Variants in BORA observed in about 807,000 individuals in gnomAD.
BORA encodes the protein BORA aurora kinase A activator, also known as protein aurora borealis.
A neutral mutation model predicts 55.8 loss-of-function variants in BORA; 26 were observed. The ratio of observed to expected loss-of-function variants is 0.47; its 90% CI spans 0.34 to 0.65. The LOEUF is 0.65. BORA is among the 30% of genes least tolerant of loss of function. The probability of loss-of-function intolerance (pLI) is 0.01; values close to 1 mark genes in which losing one functional copy is unlikely to be tolerated. For missense variants in BORA, 568 were observed against 671.5 expected (o/e 0.85, Z 1.70); for synonymous variants, 201 against 216.9 (o/e 0.93, Z 0.64).
In BORA at chr13:72,747,099, C is replaced by T. The variant is rs749049409; in HGVS notation, c.1470C>T (p.Ser490=). 6.2e-7 allele frequency: 1 copy of T among 1,613,236 alleles called. No homozygotes were observed. Among genetic ancestry groups the T allele is most frequent in the Non-Finnish European group, 8.5e-7 (1 of 1,179,810 alleles). ...AAAGCAGTGTCATTCCTTGTGAAAG[C>T]AGTAACATTCAGGTAAGGTATTTAA... The part of the protein sequence containing the change: ...LAESSVIPCE[S]SNIQMDSGYN... Residue 490 remains serine (S), a synonymous_variant, in exon 10 of 12, where the codon AGC becomes AGT. Coordinates refer to ENST00000390667, the MANE Select transcript of BORA (RefSeq NM_024808.5).
rs751608531 is a variant in BORA at position 72,755,115 on chromosome 13, T to C, written c.1615-36T>C. On this transcript the variant is annotated intron_variant, in intron 11 of 11. Coordinates refer to ENST00000390667, the MANE Select transcript of BORA (RefSeq NM_024808.5). ...AATTGCATCCTCCAGTGGTCCTACTTAAACTGAAAACAAGGTATTGTCTTC... is the reference window on the plus strand; with the variant it reads ...AATTGCATCCTCCAGTGGTCCTACTCAAACTGAAAACAAGGTATTGTCTTC... 4.4e-6 allele frequency: 7 copies of C among 1,593,902 alleles called. No individual in the cohort carries two copies. In the Admixed American group the frequency reaches 1.2e-4, roughly 27 times the overall value.
chr13:72,739,198 C>T (rs2032989144), intron 5 of BORA, among the ~76,000 whole-genome samples: 1 of 152,188 alleles, frequency 6.6e-6, no homozygotes, highest in East Asian at 1.9e-4. Flanking sequence ...AGTTTTTCAC[C>T]CCCAGATTCT....
rs1279944742 is a variant in BORA, at chr13:72,743,588, C to G, written c.440C>G (p.Ser147Cys). Residue 147 changes from serine (S) to cysteine (C), a missense_variant, in exon 6 of 12, where the codon TCT becomes TGT. Coordinates refer to ENST00000390667, the MANE Select transcript of BORA (RefSeq NM_024808.5). The stretch of plus-strand genomic sequence containing the variant: ...GTTGGAAAAAAGCTGACCATTCATT[C>G]TGAGAAAAGCGATGGTGAGTATGAA... ...SPVGKKLTIH[S>C]EKSDAACQTL... The G allele has an allele frequency of 7.5e-6, 12 of 1,605,524 alleles. No individual in the cohort carries two copies. Among genetic ancestry groups the G allele is most frequent in the African/African-American group, 1.4e-5 (1 of 70,742 alleles).
intron 11 of BORA, chr13:72,754,065 AGGT>A (rs1426221059): frequency 8.3e-6 from 3 of 361,310 alleles, no homozygotes; most frequent in Non-Finnish European, 1.5e-5. Context: ...TGAACCTTCC[AGGT>A]GGTGGTTATA....
intron 8 of BORA, among the ~76,000 whole-genome samples, chr13:72,745,574 T>G (rs1410257875): frequency 6.6e-6 from 1 of 152,240 alleles, no homozygotes; most frequent in East Asian, 1.9e-4. Flanking sequence ...ATGTACAGGA[T>G]GACCAGATTT....
intron 10 of BORA, among the ~76,000 whole-genome samples, chr13:72,751,845 A>G (rs1163312843): frequency 6.6e-6 from 1 of 152,210 alleles, no homozygotes; most frequent in Non-Finnish European, 1.5e-5. Flanking sequence ...GTACATCATA[A>G]ATATGTGTAA....
In BORA at chr13:72,755,737, CTG is replaced by C; in HGVS notation, c.*524_*525del. ...ATTTTAGTTCTTGGTCTGTTCACCT[CTG>C]TGGGGAAAATTCTTAGTTCCAGTGA... On this transcript the variant is annotated 3_prime_UTR_variant, in exon 12 of 12. Coordinates refer to ENST00000390667, the MANE Select transcript of BORA (RefSeq NM_024808.5). 5.0e-6 allele frequency: 2 copies of C among 397,336 alleles called. No homozygotes were observed. The highest frequency in any genetic ancestry group is 4.4e-6 in the Non-Finnish European group (1 of 225,786). 24.6% of individuals were successfully genotyped at this position (397,336 alleles called of 1,614,324 possible).
Position 72,753,627 on chromosome 13 carries a change from CTTAT to C in BORA, c.1483-59_1483-56del, listed in dbSNP as rs1349482508. The C allele has an allele frequency of 7.3e-6, 11 of 1,504,858 alleles. No individual in the cohort carries two copies. The African/African-American group carries it at 1.5e-4, about 21-fold the overall frequency. 93.2% of individuals were successfully genotyped at this position (1,504,858 alleles called of 1,614,324 possible). On this transcript the variant is annotated intron_variant, in intron 10 of 11. Transcript: ENST00000390667. ...GTGAATGAGAGTTTATAGTGGTTTA[CTTAT>C]TTAAATATTTGACTTTTAAGTTCCT...
intron 4 of BORA, among the ~76,000 whole-genome samples, chr13:72,736,984 A>T (rs974256925): frequency 4.0e-5 from 5 of 125,326 alleles, no homozygotes; most frequent in African/African-American, 1.7e-4. Flanking sequence ...GTCCACCTTT[A>T]AAAAAAAAAA....
In BORA at chr13:72,755,443, A is replaced by G. The variant is rs1414394927; in HGVS notation, c.*227A>G. 4.0e-6 allele frequency: 2 copies of G among 504,458 alleles called. No homozygotes were observed. Among genetic ancestry groups the G allele is most frequent in the African/African-American group, 3.9e-5 (2 of 51,782 alleles). 31.2% of individuals were successfully genotyped at this position (504,458 alleles called of 1,614,324 possible). Reference sequence around the variant, plus strand: ...TTATTTTTTATCAATAAATATTTTTATACTTACATTGAGTGATGTGTTTAA... The same window carrying G: ...TTATTTTTTATCAATAAATATTTTTGTACTTACATTGAGTGATGTGTTTAA... On this transcript the variant is annotated 3_prime_UTR_variant, in exon 12 of 12. Transcript: ENST00000390667.
chr13:72,750,563 A>C (rs1038169645), intron 10 of BORA, among the ~76,000 whole-genome samples: 2 of 151,908 alleles, frequency 1.3e-5, no homozygotes, highest in Non-Finnish European at 2.9e-5. Flanking sequence ...GGTATAAGTA[A>C]CTCCCACATG....
At chr13:72,730,925 G>C (rs1261265576) in intron 2 of BORA, among the ~76,000 whole-genome samples, 1 of 151,490 alleles carries the variant, frequency 6.6e-6, no homozygotes, top group Non-Finnish European at 1.5e-5. Flanking sequence ...AAAATTAGCT[G>C]GGTGTGGTGG....
intron 10 of BORA, 148 bp from the exon 11 acceptor site, chr13:72,753,542 C>A: frequency 1.3e-6 from 1 of 743,426 alleles, no homozygotes; most frequent in Non-Finnish European, 2.1e-6. Context: ...TATATTTGTG[C>A]ATTACTTTTG....
intron 10 of BORA, among the ~76,000 whole-genome samples, chr13:72,747,969 C>G (rs978792367): frequency 1.3e-5 from 2 of 152,270 alleles, no homozygotes; most frequent in Middle Eastern, 3.4e-3. Flanking sequence ...TTAACAGATA[C>G]GTATACTTCA....
At chr13:72,733,654 T>C (rs2032863407) in intron 3 of BORA, among the ~76,000 whole-genome samples, 1 of 152,174 alleles carries the variant, frequency 6.6e-6, no homozygotes, top group Non-Finnish European at 1.5e-5. Context: ...CATGATAAGA[T>C]GAAGAGAACC....
chr13:72,751,092 A>G (rs7334066), intron 10 of BORA, among the ~76,000 whole-genome samples: 15,884 of 152,190 alleles, frequency 0.1, 2,278 homozygotes, highest in African/African-American at 0.33. Flanking sequence ...TGGGGATAAT[A>G]ATAGGATTAC....
intron 4 of BORA, 29 bp from the exon 5 acceptor site, chr13:72,737,933 G>T: frequency 6.9e-7 from 1 of 1,450,770 alleles, no homozygotes; most frequent in Non-Finnish European, 9.5e-7. Context: ...TGGAATTTAT[G>T]CCTAATTGTA....
chr13:72,752,187 T>C (rs2033294403), intron 10 of BORA: 2 of 152,232 alleles, frequency 1.3e-5, no homozygotes, highest in Admixed American at 1.3e-4. Context: ...AGAGTTCTTT[T>C]ATTTCCAGGC....
intron 4 of BORA, among the ~76,000 whole-genome samples, chr13:72,735,499 G>A (rs2138051920): frequency 6.6e-6 from 1 of 152,208 alleles, no homozygotes; most frequent in South Asian, 2.1e-4. Flanking sequence ...TGTTAAACAG[G>A]AAAGGTATAT....
Sources: allele counts gnomAD v4.1 joint callset (sites outside exome capture counted in the v4.1 genomes callset), GRCh38; gene constraint gnomAD v4.1.1; transcripts MANE v1.5; gene names NCBI Gene and HGNC (gene_info 2026-07-23, HGNC 2026-07-21).